The following NTN1 variants were observed in gnomAD, a reference collection of about 807,000 sequenced individuals.
NTN1 encodes netrin-1.
In NTN1, 11 loss-of-function variants were observed where a neutral mutation model predicts 54.2. That is an observed-to-expected ratio of 0.20 (90% CI 0.13 to 0.34). The LOEUF (loss-of-function observed/expected upper bound fraction) is 0.34. Among genes scored for constraint, NTN1 ranks in the 10% least tolerant of loss-of-function variants. The pLI, the probability that NTN1 is intolerant of heterozygous loss-of-function variation, is 1.00. For missense variants in NTN1, 740 were observed against 893.1 expected, an observed-to-expected ratio of 0.83 and a Z score of 2.18; for synonymous variants, 371 against 382.0, an observed-to-expected ratio of 0.97 and a Z score of 0.33.
At chr17:9,182,320 C>T (rs1299731364) in intron 4 of NTN1, among the ~76,000 whole-genome samples, 1 of 152,252 alleles carries the variant, frequency 6.6e-6, no homozygotes. Flanking sequence ...TCAAAACGAT[C>T]ACATGCTTTT....
chr17:9,125,563 G>A (rs2092244456), intron 2 of NTN1, among the ~76,000 whole-genome samples: 1 of 151,670 alleles, frequency 6.6e-6, no homozygotes, highest in African/African-American at 2.4e-5. Flanking sequence ...TTGTAGAGAT[G>A]GGATCTCACC....
At chr17:9,052,640 T>C (rs933832765) in intron 2 of NTN1, among the ~76,000 whole-genome samples, 1 of 152,190 alleles carries the variant, frequency 6.6e-6, no homozygotes, top group African/African-American at 2.4e-5. Context: ...GAGCTGGGTT[T>C]AGTGGTGCAT....
chr17:9,176,533 C>A (rs931229947), intron 3 of NTN1: 1 of 152,272 alleles, frequency 6.6e-6, no homozygotes, highest in Non-Finnish European at 1.5e-5. Context: ...CTTTCCAGGC[C>A]ATAGTATGGC....
At chr17:9,238,226 T>G (rs938328500) in intron 6 of NTN1, among the ~76,000 whole-genome samples, 1 of 152,174 alleles carries the variant, frequency 6.6e-6, no homozygotes, top group African/African-American at 2.4e-5. Flanking sequence ...AAGTGATGAC[T>G]GCTGGACGTT....
At chr17:9,065,314 C>T (rs948484562) in intron 2 of NTN1, among the ~76,000 whole-genome samples, 5 of 152,140 alleles carry the variant, frequency 3.3e-5, no homozygotes, top group African/African-American at 7.2e-5. Flanking sequence ...CAGATTCCTT[C>T]CCTGCCAGTC....
intron 2 of NTN1, among the ~76,000 whole-genome samples, chr17:9,095,382 A>AAT (rs1222498431): frequency 3.3e-5 from 5 of 152,258 alleles, no homozygotes; most frequent in Admixed American, 2.0e-4. Context: ...AGTGTATTCT[A>AAT]GCACTTTCAT....
intron 2 of NTN1, among the ~76,000 whole-genome samples, chr17:9,116,003 T>C (rs918505980): frequency 6.6e-6 from 1 of 152,234 alleles, no homozygotes; most frequent in African/African-American, 2.4e-5. Flanking sequence ...TTTCAACCTC[T>C]CTGCATTTGT....
chr17:9,036,366 G>A (rs546368436), intron 2 of NTN1, among the ~76,000 whole-genome samples: 1 of 148,626 alleles, frequency 6.7e-6, no homozygotes, highest in South Asian at 2.1e-4. Flanking sequence ...TCACCACTGG[G>A]CCAAGTCGTC....
At chr17:9,207,449 C>A (rs756577744) in intron 5 of NTN1, among the ~76,000 whole-genome samples, 3 of 152,196 alleles carry the variant, frequency 2.0e-5, no homozygotes, top group Non-Finnish European at 4.4e-5. Context: ...TCATGTCGGG[C>A]TTCATCTCGC....
rs527732493 is a variant in NTN1 at position 9,240,512 on chromosome 17, A to G, written c.*544A>G. 55 of 152,412 alleles carry G rather than the reference A, an allele frequency of 3.6e-4. No homozygotes were observed. Among genetic ancestry groups the G allele is most frequent in the African/African-American group, 1.2e-3 (51 of 41,568 alleles). 9.4% of individuals were successfully genotyped at this position (152,412 alleles called of 1,614,324 possible). ...CCCTTTCTCCCCGGCCCCTTCTAGC[A>G]GTTCCCCGCGGGCCACCTGGCTGTC... On this transcript the variant is annotated 3_prime_UTR_variant, in exon 7 of 7. Transcript: ENST00000173229.
intron 5 of NTN1, among the ~76,000 whole-genome samples, chr17:9,195,192 A>ACCCCCCCCCCCCCCCC (rs3031881): frequency 7.0e-6 from 1 of 142,400 alleles, no homozygotes. Flanking sequence ...GGCGAGCTCT[A>ACCCCCCCCCCCCCCCC]CCACCCCTCC....
intron 2 of NTN1, among the ~76,000 whole-genome samples, chr17:9,133,611 CAG>C (rs1597500354): frequency 7.1e-6 from 1 of 140,566 alleles, no homozygotes; most frequent in East Asian, 2.0e-4. Context: ...TTTTTTGAGA[CAG>C]AGTCTTGCTC....
chr17:9,133,389 G>A (rs933827337), intron 2 of NTN1, among the ~76,000 whole-genome samples: 2 of 152,220 alleles, frequency 1.3e-5, no homozygotes, highest in African/African-American at 4.8e-5. Context: ...AGCCCAGCAG[G>A]AGCAGGGCCA....
At position 9,023,080 on chromosome 17, in the gene NTN1, C is replaced by G; in HGVS notation, c.707C>G (p.Pro236Arg). 1.3e-6 allele frequency: 2 copies of G among 1,573,644 alleles called. No homozygotes were observed. The highest frequency in any genetic ancestry group is 1.7e-6 in the Non-Finnish European group (2 of 1,160,940). Residue 236 changes from proline (P) to arginine (R), a missense_variant, in exon 2 of 7, where the codon CCC (proline) becomes CGC (arginine). Coordinates refer to ENST00000173229, the MANE Select transcript of NTN1 (RefSeq NM_004822.3). ...TCGGCGCACGACTTCGACAACTCGC[C>G]CGTGCTGCAGGACTGGGTCACGGCC... ...RPSAHDFDNSPVLQDWVTATD... is the reference protein window; with the variant it reads ...RPSAHDFDNSRVLQDWVTATD...
intron 3 of NTN1, among the ~76,000 whole-genome samples, chr17:9,172,472 C>G (rs975858949): frequency 2.0e-5 from 3 of 150,662 alleles, no homozygotes; most frequent in African/African-American, 7.3e-5. Context: ...GAGCGAGACT[C>G]CGTCTCAAAA....
At chr17:9,057,380 A>C (rs2091982715) in intron 2 of NTN1, among the ~76,000 whole-genome samples, 2 of 152,160 alleles carry the variant, frequency 1.3e-5, no homozygotes, top group Non-Finnish European at 1.5e-5. Context: ...GGTTGATTGC[A>C]CACAGATCCT....
rs148063994 is a variant in NTN1, at chr17:9,204,928, A to ATTTTT, written c.1412-16231_1412-16227dup. ...CTTTCCATCAGTGCTGTCAACCCTC[A>ATTTTT]TTTTTTTTTTTTTCTGAAGATATGT... is the stretch of plus-strand genomic sequence containing the variant. On this transcript the variant is annotated intron_variant, in intron 5 of 6. Transcript: ENST00000173229. 4.1e-5 allele frequency among the ~76,000 whole-genome samples: 6 copies of ATTTTT among 145,524 alleles called. 2 individuals are homozygous for ATTTTT. Among genetic ancestry groups the ATTTTT allele is most frequent in the Non-Finnish European group, 7.6e-5 (5 of 66,212 alleles).
rs556656231 is a variant in NTN1 at position 9,032,689 on chromosome 17, T to C, written c.1018+9298T>C. Among the ~76,000 whole-genome samples, 3 of 152,320 alleles carry C rather than the reference T, an allele frequency of 2.0e-5. No homozygotes were observed. The South Asian group carries it at 6.2e-4, about 32-fold the overall frequency. Reference sequence around the variant, plus strand: ...TTGGCATCTGAAACGTGAAAGTACCTTTGGGTTGGGCGGCCCCAGGGCAGA... The same window carrying C: ...TTGGCATCTGAAACGTGAAAGTACCCTTGGGTTGGGCGGCCCCAGGGCAGA... On this transcript the variant is annotated intron_variant, in intron 2 of 6. Transcript: ENST00000173229.
chr17:9,167,985 G>A (rs2142304174), intron 3 of NTN1, among the ~76,000 whole-genome samples: 1 of 152,230 alleles, frequency 6.6e-6, no homozygotes, highest in African/African-American at 2.4e-5. Flanking sequence ...TAATTAATGG[G>A]TCCAGATGCG....
Sources: gnomAD v4.1 joint callset for allele counts (sites outside exome capture counted in the v4.1 genomes callset) on GRCh38, gnomAD v4.1.1 for gene constraint, MANE v1.5 for transcripts, NCBI Gene and HGNC (gene_info 2026-07-23, HGNC 2026-07-21) for gene names.